The following TM6SF1 variants were observed in gnomAD, a reference collection of about 807,000 sequenced individuals.
The protein encoded by TM6SF1 is transmembrane 6 superfamily member 1.
A neutral mutation model predicts 47.1 loss-of-function variants in TM6SF1; 43 were observed. The observed-to-expected ratio is 0.91, with a 90% CI of 0.72 to 1.18. The LOEUF (loss-of-function observed/expected upper bound fraction) is 1.18. TM6SF1 is among the 50% of genes most tolerant of loss of function. The pLI is 0.00. For synonymous variants in TM6SF1, 177 were observed against 166.3 expected, an observed-to-expected ratio of 1.06 and a Z score of -0.49; for missense variants, 390 against 449.0, an observed-to-expected ratio of 0.87 and a Z score of 1.19.
intron 4 of TM6SF1, 116 bp downstream of exon 4, chr15:83,119,797 A>G: frequency 2.0e-6 from 3 of 1,519,228 alleles, no homozygotes; most frequent in South Asian, 1.3e-5. Context: ...ACATGAATAT[A>G]AGTTCCATGG....
chr15:83,136,737 G>A lies in TM6SF1; in HGVS notation c.*65G>A. 4 of 1,392,156 alleles carry A rather than the reference G, an allele frequency of 2.9e-6. No individual in the cohort carries two copies. The East Asian group carries it at 6.9e-5, about 24-fold the overall frequency. 86.2% of individuals were successfully genotyped at this position (1,392,156 alleles called of 1,614,324 possible). A position where few individuals can be genotyped will look rare whatever the true frequency, so the allele number is the denominator to read the frequency against. Reference sequence around the variant, plus strand: ...TTTGTTATACTGGTACTGATATTTTGTCCCATTTCACTCTCTTCTCATACG... The same window carrying A: ...TTTGTTATACTGGTACTGATATTTTATCCCATTTCACTCTCTTCTCATACG... On this transcript the variant is annotated 3_prime_UTR_variant, in exon 10 of 10. Transcript: ENST00000322019.
chr15:83,136,269 A>C (rs1039247267), intron 9 of TM6SF1: 1 of 417,662 alleles, frequency 2.4e-6, no homozygotes, highest in African/African-American at 2.0e-5. Context: ...TTGAACAGTC[A>C]TATCAAGAAT....
intron 1 of TM6SF1, among the ~76,000 whole-genome samples, chr15:83,109,984 C>T (rs752397945): frequency 6.6e-6 from 1 of 152,172 alleles, no homozygotes; most frequent in Non-Finnish European, 1.5e-5. Flanking sequence ...AGTTACTTTC[C>T]TGTGGTAAGA....
At chr15:83,131,178 T>C (rs2036216825) in intron 9 of TM6SF1, 2 of 152,272 alleles carry the variant, frequency 1.3e-5, no homozygotes, top group Admixed American at 6.5e-5. Context: ...AAAATTGCCA[T>C]TCTTATTTAG....
chr15:83,110,222 A>G (rs749360666), intron 1 of TM6SF1, among the ~76,000 whole-genome samples: 2 of 151,960 alleles, frequency 1.3e-5, no homozygotes, highest in Non-Finnish European at 2.9e-5. Flanking sequence ...CACTGCTCAC[A>G]CTCATCCTTG....
At chr15:83,113,081 A>G in intron 2 of TM6SF1, 181 bp downstream of exon 2, 1 of 602,270 alleles carries the variant, frequency 1.7e-6, no homozygotes. Flanking sequence ...CAGGCAGTGG[A>G]CTCCACCCTC....
chr15:83,130,611 T>G (rs2036164101), intron 9 of TM6SF1: 1 of 152,216 alleles, frequency 6.6e-6, no homozygotes, highest in South Asian at 2.1e-4. Flanking sequence ...TTCCCACAGC[T>G]CTTGGCTGAG....
intron 3 of TM6SF1, among the ~76,000 whole-genome samples, chr15:83,118,933 T>G (rs936724715): frequency 6.6e-6 from 1 of 152,150 alleles, no homozygotes; most frequent in African/African-American, 2.4e-5. Context: ...CTCTTCTTGG[T>G]CTCTGCTAGG....
At chr15:83,123,506 T>C (rs1482244195) in intron 6 of TM6SF1, among the ~76,000 whole-genome samples, 14 of 152,272 alleles carry the variant, frequency 9.2e-5, no homozygotes. Context: ...TAGCAAGATC[T>C]TTTAAGCAAA....
chr15:83,112,799 C>T lies in TM6SF1; in HGVS notation c.95C>T (p.Ser32Phe). 1 of 1,613,002 alleles carries T rather than the reference C, an allele frequency of 6.2e-7. No individual in the cohort carries two copies. The change falls in exon 2 of 10, where the codon TCC becomes TTC. Residue 32 changes from serine to phenylalanine, a missense_variant and splice_region_variant. Physicochemically the swap from Ser to Phe is radical, Grantham distance 155 (BLOSUM62 -2). Coordinates refer to ENST00000322019, the MANE Select transcript of TM6SF1 (RefSeq NM_023003.5). The part of the protein sequence containing the change: ...VFNHLAAQHD[S>F]WTIVGVAALI... The stretch of plus-strand genomic sequence containing the variant: ...CCTCCCTGTTCTGGTCGTTGCAGTT[C>T]CTGGACTATTGTAGGGGTTGCTGCC...
At chr15:83,128,589 T>C (rs17507763) in intron 9 of TM6SF1, 37,857 of 152,086 alleles carry the variant, frequency 0.25, 5,057 homozygotes, top group African/African-American at 0.34. Context: ...TCCAGTTTTC[T>C]ACCTTCGGCC....
intron 1 of TM6SF1, chr15:83,111,544 C>G (rs986717476): frequency 2.2e-6 from 2 of 890,486 alleles, no homozygotes; most frequent in African/African-American, 3.6e-5. Context: ...CCCTTCCCTC[C>G]CTCCTTCTAT....
Position 83,136,475 on chromosome 15 carries a change from C to G in TM6SF1, c.922-6C>G, listed in dbSNP as rs2036619875. 2 of 1,566,408 alleles carry G rather than the reference C, an allele frequency of 1.3e-6. No homozygotes were observed. Among genetic ancestry groups the G allele is most frequent in the South Asian group, 2.4e-5 (2 of 82,772 alleles). ...TTACTCAATTTTTTTTTTTTAAATG[C>G]AACAGGCTCAGTTTTCTCACATTGG... On this transcript the variant is annotated splice_region_variant and splice_polypyrimidine_tract_variant and intron_variant, in intron 9 of 9. Coordinates refer to ENST00000322019, the MANE Select transcript of TM6SF1 (RefSeq NM_023003.5).
At chr15:83,112,651 C>T in intron 1 of TM6SF1, 146 bp from the exon 2 acceptor site, 1 of 656,544 alleles carries the variant, frequency 1.5e-6, no homozygotes, top group Non-Finnish European at 2.7e-6. Flanking sequence ...ACTTCACTAA[C>T]TCTACAGTGC....
At chr15:83,126,040 C>T (rs951521163) in intron 7 of TM6SF1, among the ~76,000 whole-genome samples, 2 of 152,182 alleles carry the variant, frequency 1.3e-5, no homozygotes, top group South Asian at 2.1e-4. Flanking sequence ...TATTCTTGCA[C>T]GGCCATATCC....
intron 7 of TM6SF1, among the ~76,000 whole-genome samples, chr15:83,126,539 G>A (rs2035763087): frequency 6.6e-6 from 1 of 152,110 alleles, no homozygotes; most frequent in South Asian, 2.1e-4. Flanking sequence ...CAAGAATAGG[G>A]CATTAGTTTC....
rs771208330 is a variant in TM6SF1, at chr15:83,107,654, T to G, written c.-27T>G. ...GGGCGGGGCGCCCAGCGGGATGCGG[T>G]GAAGGGCGAGCGGCGCGGCGGCTGC... is the stretch of plus-strand genomic sequence containing the variant. On this transcript the variant is annotated 5_prime_UTR_variant, in exon 1 of 10. It removes the in-frame stop codon of an upstream open reading frame in the 5' UTR. Coordinates refer to ENST00000322019, the MANE Select transcript of TM6SF1 (RefSeq NM_023003.5). The surrounding 1 kb of genome is among the most constrained non-coding windows in gnomAD (Gnocchi z 5.6). 2.6e-6 allele frequency: 4 copies of G among 1,520,498 alleles called. No homozygotes were observed. The Admixed American group carries it at 8.3e-5, about 32-fold the overall frequency. The allele number at this position is 1,520,498 out of a possible 1,614,324, so 94.2% of individuals were successfully genotyped here. A position where few individuals can be genotyped will look rare whatever the true frequency, so the allele number is the denominator to read the frequency against.
intron 1 of TM6SF1, among the ~76,000 whole-genome samples, chr15:83,110,487 C>T (rs2034046849): frequency 6.6e-6 from 1 of 152,180 alleles, no homozygotes; most frequent in Non-Finnish European, 1.5e-5. Context: ...TCTCCTGGAG[C>T]TAAGAGCATG....
chr15:83,125,632 A>C lies in TM6SF1; in HGVS notation c.708+856A>C, dbSNP rs112033389. On this transcript the variant is annotated intron_variant, in intron 7 of 9. Coordinates refer to ENST00000322019, the MANE Select transcript of TM6SF1 (RefSeq NM_023003.5). Reference sequence around the variant, plus strand: ...AATTTGATGATTTCTTCTTAGTAGAAATGAATTTGGGAAGTTTAGAATTAT... The same window carrying C: ...AATTTGATGATTTCTTCTTAGTAGACATGAATTTGGGAAGTTTAGAATTAT... 1.1e-3 allele frequency among the ~76,000 whole-genome samples: 166 copies of C among 152,356 alleles called. 1 individual carries two copies. Among genetic ancestry groups the C allele is most frequent in the African/African-American group, 3.9e-3 (161 of 41,580 alleles).
Sources: allele counts gnomAD v4.1 joint callset (sites outside exome capture counted in the v4.1 genomes callset), GRCh38; gene constraint gnomAD v4.1.1; non-coding constraint Gnocchi (gnomAD v3.1); transcripts MANE v1.5; gene names NCBI Gene and HGNC (gene_info 2026-07-23, HGNC 2026-07-21).